PRKG1: variants seen among roughly 807,000 people sequenced by gnomAD.
PRKG1 encodes protein kinase cGMP-dependent 1.
In PRKG1, 35 loss-of-function variants were observed where a neutral mutation model predicts 88.1. That is an observed-to-expected ratio of 0.40 (90% CI 0.30 to 0.53). The LOEUF (loss-of-function observed/expected upper bound fraction) is 0.53, where lower values mean the gene tolerates loss of function less well. Among genes scored for constraint, PRKG1 ranks in the 20% least tolerant of loss-of-function variants. PRKG1 has a pLI of 0.59. For missense variants in PRKG1, 540 were observed against 839.8 expected, an observed-to-expected ratio of 0.64 and a Z score of 4.41; for synonymous variants, 303 against 292.5, an observed-to-expected ratio of 1.04 and a Z score of -0.37.
intron 3 of PRKG1, among the ~76,000 whole-genome samples, chr10:51,604,173 T>G (rs2132231645): frequency 6.6e-6 from 1 of 151,996 alleles, no homozygotes; most frequent in African/African-American, 2.4e-5. Context: ...AATGCTAAAT[T>G]TATTTATATT....
chr10:51,766,230 C>A (rs182815703), intron 3 of PRKG1, among the ~76,000 whole-genome samples: 25 of 152,068 alleles, frequency 1.6e-4, no homozygotes, highest in Non-Finnish European at 3.1e-4. Flanking sequence ...TTAAATACGA[C>A]GCTTTTATAA....
chr10:51,158,808 C>A (rs1347437903), intron 2 of PRKG1, among the ~76,000 whole-genome samples: 2 of 151,950 alleles, frequency 1.3e-5, no homozygotes, highest in Non-Finnish European at 2.9e-5. Context: ...TCACAGGTTT[C>A]ATTTTTATTT....
At chr10:52,116,708 T>C (rs1181806220) in intron 7 of PRKG1, among the ~76,000 whole-genome samples, 2 of 152,156 alleles carry the variant, frequency 1.3e-5, no homozygotes, top group Admixed American at 6.6e-5. Flanking sequence ...GTAATAATAA[T>C]GAAATAATAA....
intron 2 of PRKG1, among the ~76,000 whole-genome samples, chr10:51,164,315 C>T (rs1846464054): frequency 6.6e-6 from 1 of 152,212 alleles, no homozygotes; most frequent in Non-Finnish European, 1.5e-5. Flanking sequence ...TAGCAAACTC[C>T]AACAGACCTG....
At chr10:51,534,208 A>G (rs905181744) in intron 3 of PRKG1, among the ~76,000 whole-genome samples, 2 of 152,118 alleles carry the variant, frequency 1.3e-5, no homozygotes, top group Non-Finnish European at 2.9e-5. Context: ...GTGCAGGTGT[A>G]TTTGTTCATT....
intron 3 of PRKG1, among the ~76,000 whole-genome samples, chr10:51,579,153 T>C (rs550080201): frequency 1.3e-4 from 19 of 151,986 alleles, no homozygotes; most frequent in African/African-American, 4.3e-4. Context: ...AGCTAATTTT[T>C]ATATTTTTTG....
chr10:51,671,117 A>C lies in PRKG1; in HGVS notation c.593-133468A>C, dbSNP rs1840563334. Among the ~76,000 whole-genome samples, 5 of 152,198 alleles carry C rather than the reference A, an allele frequency of 3.3e-5. No homozygotes were observed. In the South Asian group the frequency reaches 1.0e-3, roughly 31 times the overall value. On this transcript the variant is annotated intron_variant, in intron 3 of 17. Transcript: ENST00000373980. ...AAGTTTAATCAATGAGAATCTGATC[A>C]TGCTAAATTCTGCTTTATGATCTTC...
intron 1 of PRKG1, among the ~76,000 whole-genome samples, chr10:51,128,200 G>C (rs1235553637): frequency 1.3e-5 from 1 of 79,984 alleles, no homozygotes; most frequent in Non-Finnish European, 3.0e-5. Flanking sequence ...AGAGGTTTTT[G>C]TGATACTTAA....
At chr10:51,962,110 A>C (rs1589460005) in intron 5 of PRKG1, among the ~76,000 whole-genome samples, 1 of 152,146 alleles carries the variant, frequency 6.6e-6, no homozygotes, top group Non-Finnish European at 1.5e-5. Flanking sequence ...CAAAGAGTAC[A>C]CCACAGGCTG....
At chr10:51,530,695 A>G (rs763358543) in intron 3 of PRKG1, among the ~76,000 whole-genome samples, 7 of 152,076 alleles carry the variant, frequency 4.6e-5, no homozygotes, top group South Asian at 2.1e-4. Flanking sequence ...GCATCACACA[A>G]ACTTTTCCAT....
At chr10:51,567,287 C>T (rs988303509) in intron 3 of PRKG1, among the ~76,000 whole-genome samples, 3 of 151,946 alleles carry the variant, frequency 2.0e-5, no homozygotes, top group South Asian at 2.1e-4. Flanking sequence ...TTCACACCTG[C>T]GGCACCAAAA....
At chr10:51,091,962 C>CTGTA (rs923817794) in intron 1 of PRKG1, among the ~76,000 whole-genome samples, 79 of 152,292 alleles carry the variant, frequency 5.2e-4, no homozygotes, top group African/African-American at 1.8e-3. Context: ...GGTAAGCAAA[C>CTGTA]TGTATGGCTT....
At chr10:51,550,147 A>C (rs926144946) in intron 3 of PRKG1, among the ~76,000 whole-genome samples, 1 of 152,082 alleles carries the variant, frequency 6.6e-6, no homozygotes, top group Non-Finnish European at 1.5e-5. Context: ...CAGGAACCTA[A>C]AACTTATAAA....
chr10:51,701,959 G>A (rs149174625), intron 3 of PRKG1, among the ~76,000 whole-genome samples: 19 of 152,208 alleles, frequency 1.2e-4, no homozygotes, highest in African/African-American at 4.3e-4. Context: ...TGATGCTGCT[G>A]GTTTGGAGAT....
At chr10:52,013,016 C>T (rs1399571881) in intron 5 of PRKG1, among the ~76,000 whole-genome samples, 1 of 152,118 alleles carries the variant, frequency 6.6e-6, no homozygotes, top group Non-Finnish European at 1.5e-5. Context: ...TGAGTATGGT[C>T]CTTGCCCTTA....
At chr10:51,890,555 A>T (rs1179751205) in intron 4 of PRKG1, among the ~76,000 whole-genome samples, 3 of 152,260 alleles carry the variant, frequency 2.0e-5, no homozygotes, top group African/African-American at 7.2e-5. Flanking sequence ...AGTTAAAGAG[A>T]TATAAATAAT....
intron 2 of PRKG1, among the ~76,000 whole-genome samples, chr10:51,192,222 G>A (rs1431583879): frequency 6.6e-6 from 1 of 151,210 alleles, no homozygotes; most frequent in Non-Finnish European, 1.5e-5. Context: ...AAGAAATAAA[G>A]CATGCATTTC....
chr10:52,002,862 C>T (rs1304572295), intron 5 of PRKG1, among the ~76,000 whole-genome samples: 1 of 152,000 alleles, frequency 6.6e-6, no homozygotes, highest in Non-Finnish European at 1.5e-5. Context: ...TTTCAGTGTA[C>T]CAATTAAAAT....
chr10:51,702,248 C>G (rs1014466788), intron 3 of PRKG1, among the ~76,000 whole-genome samples: 9 of 152,090 alleles, frequency 5.9e-5, no homozygotes, highest in African/African-American at 2.2e-4. Flanking sequence ...TTTCCATGTT[C>G]TCTTTAGTCC....
Sources: gnomAD v4.1 joint callset for allele counts (sites outside exome capture counted in the v4.1 genomes callset) on GRCh38, gnomAD v4.1.1 for gene constraint, MANE v1.5 for transcripts, NCBI Gene and HGNC (gene_info 2026-07-23, HGNC 2026-07-21) for gene names.